The following FHL2 variants were observed in gnomAD, a reference collection of about 807,000 sequenced individuals.
The protein encoded by FHL2 is four and a half LIM domains protein 2.
FHL2 carries 20 observed loss-of-function variants against 32.7 expected under a neutral mutation model. The ratio of observed to expected loss-of-function variants is 0.61; its 90% CI spans 0.43 to 0.89. The LOEUF is 0.89. FHL2 is among the 40% of genes least tolerant of loss of function. The pLI, the probability that FHL2 is intolerant of heterozygous loss-of-function variation, is 0.00. For synonymous variants in FHL2, 123 were observed against 128.1 expected, an observed-to-expected ratio of 0.96 and a Z score of 0.27; for missense variants, 311 against 358.6, an observed-to-expected ratio of 0.87 and a Z score of 1.07.
At chr2:105,421,888 T>C (rs1684112173) in intron 1 of FHL2, among the ~76,000 whole-genome samples, 1 of 152,242 alleles carries the variant, frequency 6.6e-6, no homozygotes, top group Non-Finnish European at 1.5e-5. Flanking sequence ...TCTGTTTCTT[T>C]GATTTAATGG....
chr2:105,391,426 G>A (rs1249396264), intron 2 of FHL2, among the ~76,000 whole-genome samples: 1 of 152,154 alleles, frequency 6.6e-6, no homozygotes, highest in African/African-American at 2.4e-5. Context: ...CTAGGAACAG[G>A]TCAGCCAGGT....
chr2:105,378,440 C>A, intron 3 of FHL2: 1 of 291,256 alleles, frequency 3.4e-6, no homozygotes, highest in Non-Finnish European at 6.7e-6. Flanking sequence ...CCCTGGGAAC[C>A]ATTTCGCCTT....
chr2:105,399,720 G>A, upstream of FHL2: 1 of 1,199,750 alleles, frequency 8.3e-7, no homozygotes, highest in Non-Finnish European at 1.1e-6. Context: ...GCGTGACGCT[G>A]ACGCTGGGTA....
chr2:105,380,169 G>A (rs1681778497), intron 3 of FHL2, among the ~76,000 whole-genome samples: 1 of 152,118 alleles, frequency 6.6e-6, no homozygotes, highest in African/African-American at 2.4e-5. Context: ...GGCCAACATG[G>A]TATTCTCTGA....
rs141668719 is a variant in FHL2 at position 105,396,186 on chromosome 2, A to C, written c.-25+461T>G. On this transcript the variant is annotated intron_variant, in intron 2 of 6. Coordinates refer to ENST00000530340, the MANE Select transcript of FHL2 (RefSeq NM_001318895.3). The stretch of plus-strand genomic sequence containing the variant: ...ATAGAGAGATTTATCGCAATGATTT[A>C]GCTCACACAATTACGAAGGTGAAAA... Among the ~76,000 whole-genome samples the C allele has an allele frequency of 8.1e-4, 124 of 152,338 alleles. 2 individuals are homozygous for C. The East Asian group carries it at 0.023, about 28-fold the overall frequency.
chr2:105,406,979 T>C (rs1683651605), intron 1 of FHL2, among the ~76,000 whole-genome samples: 1 of 152,222 alleles, frequency 6.6e-6, no homozygotes, highest in African/African-American at 2.4e-5. Flanking sequence ...TTCTTTCCCA[T>C]GTTTATAACA....
chr2:105,381,880 C>A (rs1300149626), intron 3 of FHL2, among the ~76,000 whole-genome samples: 1 of 152,022 alleles, frequency 6.6e-6, no homozygotes, highest in East Asian at 1.9e-4. Flanking sequence ...GGTGCTCTTC[C>A]CAGAAAAGGG....
chr2:105,416,885 T>C (rs1431839402), intron 1 of FHL2, among the ~76,000 whole-genome samples: 2 of 152,226 alleles, frequency 1.3e-5, no homozygotes. Flanking sequence ...CAGGCTACTC[T>C]GCATTTTTGG....
intron 5 of FHL2, among the ~76,000 whole-genome samples, chr2:105,365,082 G>A (rs960218555): frequency 2.0e-5 from 3 of 152,094 alleles, no homozygotes; most frequent in African/African-American, 4.8e-5. Context: ...CGGATTCCAT[G>A]CTTCCCACCC....
chr2:105,423,169 G>A (rs1276392217), intron 1 of FHL2, among the ~76,000 whole-genome samples: 1 of 152,138 alleles, frequency 6.6e-6, no homozygotes, highest in African/African-American at 2.4e-5. Context: ...ACAGAATGGA[G>A]GCTGTCAGTG....
At chr2:105,432,643 CACAA>C (rs1684473491) in intron 1 of FHL2, among the ~76,000 whole-genome samples, 1 of 152,200 alleles carries the variant, frequency 6.6e-6, no homozygotes, top group South Asian at 2.1e-4. Context: ...CTTCCCCCAA[CACAA>C]ACAGACTTAT....
chr2:105,416,023 C>A (rs1208703936), intron 1 of FHL2, among the ~76,000 whole-genome samples: 1 of 152,170 alleles, frequency 6.6e-6, no homozygotes, highest in Non-Finnish European at 1.5e-5. Flanking sequence ...ACTCTTAACC[C>A]CTGTTCTTAA....
At position 105,386,364 on chromosome 2, in the gene FHL2, G is replaced by C; in HGVS notation, c.153C>G (p.Cys51Trp). 1 of 1,613,782 alleles carries C rather than the reference G, an allele frequency of 6.2e-7. No individual in the cohort carries two copies. Among genetic ancestry groups the C allele is most frequent in the Non-Finnish European group, 8.5e-7 (1 of 1,179,916 alleles). Residue 51 changes from cysteine to tryptophan, a missense_variant, in exon 3 of 7, where the codon TGC becomes TGG. Transcript: ENST00000530340. ...CGCAGAGGCCCGCAGCAGGTACCTTGCAGTCACAGCCGATGGGCTTCCCAC... is the reference window on the plus strand; with the variant it reads ...CGCAGAGGCCCGCAGCAGGTACCTTCCAGTCACAGCCGATGGGCTTCCCAC... ...EECGKPIGCD[C>W]KDLSYKDRHW...
At chr2:105,373,414 CTAAA>C in intron 4 of FHL2, 141 bp downstream of exon 4, 1 of 805,004 alleles carries the variant, frequency 1.2e-6, no homozygotes, top group Non-Finnish European at 2.1e-6. Flanking sequence ...CGTAAGTACT[CTAAA>C]TACTCCTCTG....
upstream of FHL2, among the ~76,000 whole-genome samples, chr2:105,401,591 G>T (rs539863267): frequency 6.6e-6 from 1 of 152,276 alleles, no homozygotes; most frequent in South Asian, 2.1e-4. Flanking sequence ...CACAAGAGTA[G>T]TCATTGTAGA....
At chr2:105,390,641 G>A (rs977174668) in intron 2 of FHL2, among the ~76,000 whole-genome samples, 3 of 152,186 alleles carry the variant, frequency 2.0e-5, no homozygotes, top group African/African-American at 7.2e-5. Context: ...GTGAAAGCAG[G>A]CCCCTGAAGG....
At chr2:105,400,771 T>A (rs564882425), upstream of FHL2, among the ~76,000 whole-genome samples, 2 of 152,000 alleles carry the variant, frequency 1.3e-5, no homozygotes, top group African/African-American at 2.4e-5. Flanking sequence ...TTAGTTCTGT[T>A]ATTTTTCTTC....
At chr2:105,416,541 G>A (rs1392766171) in intron 1 of FHL2, among the ~76,000 whole-genome samples, 1 of 152,208 alleles carries the variant, frequency 6.6e-6, no homozygotes, top group African/African-American at 2.4e-5. Context: ...AGATTGCAAT[G>A]TGGAATCTGA....
At chr2:105,368,020 T>TA (rs1260872240) in intron 4 of FHL2, among the ~76,000 whole-genome samples, 1 of 152,128 alleles carries the variant, frequency 6.6e-6, no homozygotes, top group African/African-American at 2.4e-5. Flanking sequence ...ATGTTAAATC[T>TA]AAAAAAAGTT....
Sources: allele counts gnomAD v4.1 joint callset (sites outside exome capture counted in the v4.1 genomes callset), GRCh38; gene constraint gnomAD v4.1.1; transcripts MANE v1.5; gene names NCBI Gene and HGNC (gene_info 2026-07-23, HGNC 2026-07-21).